The following FAM177B variants were observed in gnomAD, a reference collection of about 807,000 sequenced individuals.
The protein encoded by FAM177B is protein FAM177B.
A neutral mutation model predicts 16.1 loss-of-function variants in FAM177B; 16 were observed. The ratio of observed to expected loss-of-function variants is 0.99; its 90% CI spans 0.67 to 1.51. FAM177B has a LOEUF of 1.51. Among genes scored for constraint, FAM177B ranks in the 40% most tolerant of loss-of-function variants. The pLI, the probability that FAM177B is intolerant of heterozygous loss-of-function variation, is 0.00. For missense variants in FAM177B, 178 were observed against 183.7 expected, an observed-to-expected ratio of 0.97 and a Z score of 0.18; for synonymous variants, 56 against 59.9, an observed-to-expected ratio of 0.93 and a Z score of 0.30.
intron 2 of FAM177B, among the ~76,000 whole-genome samples, chr1:222,740,941 T>C (rs1658494714): frequency 6.6e-6 from 1 of 152,078 alleles, no homozygotes; most frequent in South Asian, 2.1e-4. Context: ...CCTCGCGATC[T>C]GCCCGTCTCA....
Position 222,746,606 on chromosome 1 carries a change from A to G in FAM177B, c.61A>G (p.Thr21Ala), listed in dbSNP as rs1001038635. ...LEKSVPSKKT[T>A]PKRIIHFVDG... ...GAAGAGTGTACCTTCCAAAAAGACT[A>G]CTCCTAAAAGGATTATCCATTTTGT... The change falls in exon 3 of 6, where the codon ACT becomes GCT. Residue 21 changes from threonine to alanine, a missense_variant. Transcript: ENST00000445590. The G allele has an allele frequency of 5.0e-6, 8 of 1,611,564 alleles. No individual in the cohort carries two copies. In the Admixed American group the frequency reaches 8.3e-5, roughly 17 times the overall value.
At chr1:222,739,264 A>C (rs767356246) in intron 2 of FAM177B, among the ~76,000 whole-genome samples, 9 of 152,216 alleles carry the variant, frequency 5.9e-5, no homozygotes, top group Non-Finnish European at 1.0e-4. Flanking sequence ...GTGTTTAGAA[A>C]GTAGAAAGCA....
chr1:222,746,487 C>T, intron 2 of FAM177B, 44 bp from the exon 3 acceptor site: 1 of 1,122,826 alleles, frequency 8.9e-7, no homozygotes, highest in Admixed American at 2.1e-5. Flanking sequence ...TAACTCTCAG[C>T]TCTGGGTAAC....
At position 222,738,564 on chromosome 1, in the gene FAM177B, CA is replaced by C. The variant is rs71175182; in HGVS notation, c.-16+560del. 1.3e-3 allele frequency among the ~76,000 whole-genome samples: 80 copies of C among 61,812 alleles called. 3 individuals are homozygous for C. Among genetic ancestry groups the C allele is most frequent in the South Asian group, 3.4e-3 (6 of 1,758 alleles). The allele number at this position is 61,812 out of a possible 152,430, so 40.6% of individuals were successfully genotyped here. On this transcript the variant is annotated intron_variant, in intron 2 of 5. Coordinates refer to ENST00000445590, the MANE Select transcript of FAM177B (RefSeq NM_001394345.1). ...GGAGACTCCGTCTCTACAAAAACTG[CA>C]AAAAAAAAAAAAAAAAGGCTGGGCG...
chr1:222,748,211 A>G (rs1028628999), intron 4 of FAM177B, among the ~76,000 whole-genome samples: 2 of 152,198 alleles, frequency 1.3e-5, no homozygotes, highest in African/African-American at 4.8e-5. Flanking sequence ...CCTGACCACA[A>G]TAAGTTAACA....
At chr1:222,749,441 G>A (rs374953254) in intron 4 of FAM177B, 24 bp from the exon 5 acceptor site, 15 of 1,418,452 alleles carry the variant, frequency 1.1e-5, no homozygotes, top group South Asian at 2.4e-5. Context: ...TTCAGTTTAC[G>A]CAAGTGCTCG....
chr1:222,740,313 C>A (rs1009076974), intron 2 of FAM177B, among the ~76,000 whole-genome samples: 1 of 152,058 alleles, frequency 6.6e-6, no homozygotes, highest in East Asian at 1.9e-4. Context: ...TTTTAAAATT[C>A]GATCTTCTAG....
chr1:222,746,735 C>A lies in FAM177B; in HGVS notation c.174+16C>A. 1.3e-6 allele frequency: 2 copies of A among 1,587,516 alleles called. No homozygotes were observed. The highest frequency in any genetic ancestry group is 1.7e-5 in the Admixed American group (1 of 57,630). ...ACTTGACCCTGTAAGCTTAGTATAT[C>A]AATATTAGGGAACATGGTGGGGGAG... is the stretch of plus-strand genomic sequence containing the variant. On this transcript the variant is annotated intron_variant, in intron 3 of 5. Transcript: ENST00000445590.
chr1:222,739,984 C>A (rs1658449283), intron 2 of FAM177B, among the ~76,000 whole-genome samples: 1 of 152,100 alleles, frequency 6.6e-6, no homozygotes, highest in Non-Finnish European at 1.5e-5. Flanking sequence ...TTTTTTGCTG[C>A]TATTTAGCAT....
At chr1:222,741,122 A>C in intron 2 of FAM177B, among the ~76,000 whole-genome samples, 1 of 127,894 alleles carries the variant, frequency 7.8e-6, no homozygotes, top group African/African-American at 3.0e-5. Context: ...GCAGTGGTGC[A>C]ATCTCAACTC....
Position 222,737,333 on chromosome 1 carries a change from A to G in FAM177B, c.-134+11A>G. ...GAGTGTTCAGTGTTGGTAAGTGCTA[A>G]GGAGAAAAAATGAAACAGGAGGTAA... On this transcript the variant is annotated intron_variant, in intron 1 of 5. Transcript: ENST00000445590. The G allele has an allele frequency of 6.6e-6, 1 of 152,660 alleles. No homozygotes were observed. Among genetic ancestry groups the G allele is most frequent in the Non-Finnish European group, 1.5e-5 (1 of 68,270 alleles). The allele number at this position is 152,660 out of a possible 1,614,324, so 9.5% of individuals were successfully genotyped here.
Position 222,739,951 on chromosome 1 carries a change from T to C in FAM177B, c.-16+1930T>C, listed in dbSNP as rs201244558. 1.8e-4 allele frequency: 28 copies of C among 152,350 alleles called. No homozygotes were observed. The East Asian group carries it at 2.7e-3, about 15-fold the overall frequency. The allele number at this position is 152,350 out of a possible 1,614,324, so 9.4% of individuals were successfully genotyped here. ...ATTATGCTTAACATATTGTTGGTCTTACATACCAAATTAAAATGGGTATTT... is the reference window on the plus strand; with the variant it reads ...ATTATGCTTAACATATTGTTGGTCTCACATACCAAATTAAAATGGGTATTT... On this transcript the variant is annotated intron_variant, in intron 2 of 5. Transcript: ENST00000445590.
At position 222,750,114 on chromosome 1, in the gene FAM177B, G is replaced by C; in HGVS notation, c.*56G>C. The C allele has an allele frequency of 6.3e-7, 1 of 1,586,940 alleles. No individual in the cohort carries two copies. Among genetic ancestry groups the C allele is most frequent in the Non-Finnish European group, 8.6e-7 (1 of 1,169,352 alleles). On this transcript the variant is annotated 3_prime_UTR_variant, in exon 6 of 6. Coordinates refer to ENST00000445590, the MANE Select transcript of FAM177B (RefSeq NM_001394345.1). ...GATCCTAGCTCATGATGGCAGCAAA[G>C]ACTGCAGTTTCCCTGGATCTGTTCC...
intron 4 of FAM177B, chr1:222,747,288 C>G (rs796315069): frequency 3.8e-6 from 2 of 524,300 alleles, no homozygotes; most frequent in African/African-American, 3.8e-5. Flanking sequence ...TCAGGAAATT[C>G]TTATCTCGGC....
rs776940456 is a variant in FAM177B at position 222,749,895 on chromosome 1, C to T, written c.340-26C>T. The T allele has an allele frequency of 1.7e-5, 27 of 1,612,848 alleles. No individual in the cohort carries two copies. In the South Asian group the frequency reaches 2.9e-4, roughly 17 times the overall value. ...AGAGGTCTTTGTTTGTACAGTTAAACATTTCCTTATTTCTCTCCAAAACAG... is the reference window on the plus strand; with the variant it reads ...AGAGGTCTTTGTTTGTACAGTTAAATATTTCCTTATTTCTCTCCAAAACAG... On this transcript the variant is annotated intron_variant, in intron 5 of 5. Transcript: ENST00000445590.
At chr1:222,742,636 GT>G (rs1658605837) in intron 2 of FAM177B, 1 of 152,096 alleles carries the variant, frequency 6.6e-6, no homozygotes, top group African/African-American at 2.4e-5. Flanking sequence ...GATAATTTTT[GT>G]TTGATTATTC....
chr1:222,746,882 T>A (rs756141837), intron 3 of FAM177B, 133 bp from the exon 4 acceptor site: 3 of 888,684 alleles, frequency 3.4e-6, no homozygotes, highest in Non-Finnish European at 5.3e-6. Context: ...ATTTTAATCA[T>A]CTTGGTCTCT....
chr1:222,746,774 A>T (rs1377144148), intron 3 of FAM177B, 55 bp downstream of exon 3: 2 of 1,393,532 alleles, frequency 1.4e-6, no homozygotes, highest in Admixed American at 4.2e-5. Flanking sequence ...GTGAATGAAC[A>T]AGAGATTGAG....
At chr1:222,748,826 A>C (rs17011714) in intron 4 of FAM177B, 50,895 of 337,098 alleles carry the variant, frequency 0.15, 4,457 homozygotes, top group Middle Eastern at 0.23. Context: ...AGGAATCAGA[A>C]AGTCCTATAA....
Sources: gnomAD v4.1 joint callset for allele counts (sites outside exome capture counted in the v4.1 genomes callset) on GRCh38, gnomAD v4.1.1 for gene constraint, MANE v1.5 for transcripts, NCBI Gene and HGNC (gene_info 2026-07-23, HGNC 2026-07-21) for gene names.